RFTN1: variants seen among roughly 807,000 people sequenced by gnomAD.
RFTN1 encodes the protein raftlin, lipid raft linker 1, also known as raftlin.
In RFTN1, 26 loss-of-function variants were observed where a neutral mutation model predicts 46.5. The ratio of observed to expected loss-of-function variants is 0.56; its 90% CI spans 0.41 to 0.78. RFTN1 has a LOEUF of 0.78. RFTN1 is among the 30% of genes least tolerant of loss of function. The pLI is 0.00. For synonymous variants in RFTN1, 261 were observed against 284.2 expected (o/e 0.92, Z 0.82); for missense variants, 693 against 718.7 (o/e 0.96, Z 0.41).
chr3:16,319,345 CATTATAGT>C (rs2068786567), intron 9 of RFTN1, among the ~76,000 whole-genome samples: 1 of 152,166 alleles, frequency 6.6e-6, no homozygotes, highest in Admixed American at 6.5e-5. Context: ...AATGTCAAAG[CATTATAGT>C]ATGGGTTCAA....
intron 2 of RFTN1, among the ~76,000 whole-genome samples, chr3:16,486,919 C>T (rs567418201): frequency 6.6e-6 from 1 of 152,208 alleles, no homozygotes; most frequent in African/African-American, 2.4e-5. Context: ...AGATGAGACA[C>T]AAGAGAGCTT....
At chr3:16,503,883 C>A (rs1250118975) in intron 1 of RFTN1, among the ~76,000 whole-genome samples, 1 of 152,160 alleles carries the variant, frequency 6.6e-6, no homozygotes, top group African/African-American at 2.4e-5. Context: ...ATGGATCCAC[C>A]ACCTGGATTT....
chr3:16,350,339 C>T (rs2072008991), intron 7 of RFTN1: 1 of 143,492 alleles, frequency 7.0e-6, no homozygotes, highest in Non-Finnish European at 1.6e-5. Flanking sequence ...CTTGTGAACA[C>T]ATGCATTTGT....
chr3:16,457,855 G>A lies in RFTN1; in HGVS notation c.146-23818C>T, dbSNP rs1185844368. Among the ~76,000 whole-genome samples the A allele has an allele frequency of 6.6e-6, 1 of 152,178 alleles. No individual in the cohort carries two copies. The highest frequency in any genetic ancestry group is 2.4e-5 in the African/African-American group (1 of 41,428). Reference sequence around the variant, plus strand: ...AGTGAAGGGAGGTGAGTCCTTTTGAGAGGTGCTTAGGTCATGAGGGCTCAG... The same window carrying A: ...AGTGAAGGGAGGTGAGTCCTTTTGAAAGGTGCTTAGGTCATGAGGGCTCAG... On this transcript the variant is annotated intron_variant, in intron 2 of 9. Coordinates refer to ENST00000334133, the MANE Select transcript of RFTN1 (RefSeq NM_015150.2). This position sits in a 1 kb window ranked among gnomAD's most constrained non-coding sequence, Gnocchi z 4.2.
rs1559842639 is a variant in RFTN1 at position 16,345,301 on chromosome 3, T to TGTGTGTG, written c.1146+12630_1146+12631insCACACAC. The stretch of plus-strand genomic sequence containing the variant: ...GTGTGTGTGTGTGTGTGTGTGTGTG[T>TGTGTGTG]TTAAAGCTGTTATAGAATTATCTCC... On this transcript the variant is annotated intron_variant, in intron 7 of 9. Coordinates refer to ENST00000334133, the MANE Select transcript of RFTN1 (RefSeq NM_015150.2). The surrounding 1 kb of genome is among the most constrained non-coding windows in gnomAD (Gnocchi z 5.2). The TGTGTGTG allele has an allele frequency of 6.8e-5, 10 of 146,418 alleles. No homozygotes were observed. The highest frequency in any genetic ancestry group is 1.2e-4 in the African/African-American group (5 of 40,318). 9.1% of individuals were successfully genotyped at this position (146,418 alleles called of 1,614,324 possible). A position where few individuals can be genotyped will look rare whatever the true frequency, so the allele number is the denominator to read the frequency against.
intron 1 of RFTN1, among the ~76,000 whole-genome samples, chr3:16,496,242 A>C (rs2076624596): frequency 6.6e-6 from 1 of 152,260 alleles, no homozygotes; most frequent in African/African-American, 2.4e-5. Context: ...CAAGCTGCCA[A>C]ACATGATGCC....
chr3:16,369,956 G>T, intron 6 of RFTN1, 120 bp downstream of exon 6: 2 of 920,302 alleles, frequency 2.2e-6, no homozygotes, highest in Non-Finnish European at 3.4e-6. Flanking sequence ...ATAAAATGCA[G>T]CATGGTTATC....
chr3:16,448,669 A>G lies in RFTN1; in HGVS notation c.146-14632T>C, dbSNP rs2075774809. On this transcript the variant is annotated intron_variant, in intron 2 of 9. Transcript: ENST00000334133. The surrounding 1 kb of genome is among the most constrained non-coding windows in gnomAD (Gnocchi z 4.1). ...GTGTCCCTTAAATGCCTGCTCTTCAAGAATCTCTAGTAACACAATCACACT... is the reference window on the plus strand; with the variant it reads ...GTGTCCCTTAAATGCCTGCTCTTCAGGAATCTCTAGTAACACAATCACACT... 6.6e-6 allele frequency among the ~76,000 whole-genome samples: 1 copy of G among 152,190 alleles called. No homozygotes were observed. The highest frequency in any genetic ancestry group is 1.5e-5 in the Non-Finnish European group (1 of 68,040).
intron 6 of RFTN1, among the ~76,000 whole-genome samples, chr3:16,366,591 C>A (rs1300534700): frequency 6.6e-6 from 1 of 151,298 alleles, no homozygotes; most frequent in Non-Finnish European, 1.5e-5. Flanking sequence ...CTATCCCGCC[C>A]ACCTCATGGT....
chr3:16,487,461 C>T (rs116300248), intron 2 of RFTN1, among the ~76,000 whole-genome samples: 1,694 of 152,316 alleles, frequency 0.011, 33 homozygotes, highest in African/African-American at 0.038. Flanking sequence ...TCTCTGTCTG[C>T]GCTGTCCAAT....
intron 2 of RFTN1, among the ~76,000 whole-genome samples, chr3:16,493,461 G>A (rs1017942434): frequency 1.3e-5 from 2 of 152,168 alleles, no homozygotes; most frequent in African/African-American, 4.8e-5. Flanking sequence ...TTGAACTCCT[G>A]ACCTCAGGTG....
chr3:16,415,222 C>A (rs2075050883), intron 3 of RFTN1, among the ~76,000 whole-genome samples: 1 of 151,752 alleles, frequency 6.6e-6, no homozygotes, highest in Admixed American at 6.6e-5. Context: ...AGGAGGAAAG[C>A]AGATGAAGAT....
At position 16,317,501 on chromosome 3, in the gene RFTN1, C is replaced by G. The variant is rs983073592; in HGVS notation, c.1333-269G>C. Among the ~76,000 whole-genome samples the G allele has an allele frequency of 6.6e-6, 1 of 152,160 alleles. No homozygotes were observed. Among genetic ancestry groups the G allele is most frequent in the Non-Finnish European group, 1.5e-5 (1 of 68,022 alleles). On this transcript the variant is annotated intron_variant, in intron 9 of 9. Transcript: ENST00000334133. The surrounding 1 kb of genome is among the most constrained non-coding windows in gnomAD (Gnocchi z 4.3). The stretch of plus-strand genomic sequence containing the variant: ...GCAGAGCAGTATTTCTTTTGACTGG[C>G]TCTATACCAAAGGCCCACATAGGAA...
rs570985079 is a variant in RFTN1, at chr3:16,402,220, G to T, written c.441+7155C>A. 2.6e-5 allele frequency among the ~76,000 whole-genome samples: 4 copies of T among 152,156 alleles called. No homozygotes were observed. Among genetic ancestry groups the T allele is most frequent in the African/African-American group, 9.7e-5 (4 of 41,422 alleles). On this transcript the variant is annotated intron_variant, in intron 4 of 9. Coordinates refer to ENST00000334133, the MANE Select transcript of RFTN1 (RefSeq NM_015150.2). The surrounding 1 kb of genome is among the most constrained non-coding windows in gnomAD (Gnocchi z 4.5). ...GCACCTCTCTCTCCTTCAATGACAC[G>T]AAGGTTTAGTGAGTATTCCTCTTTC...
chr3:16,426,565 C>T lies in RFTN1; in HGVS notation c.332+7286G>A, dbSNP rs905659580. Reference sequence around the variant, plus strand: ...GCAAAGATTTCCTTTCTTTGAAGGCCATCCTTTGAATGTCTTTTAAAAGAA... The same window carrying T: ...GCAAAGATTTCCTTTCTTTGAAGGCTATCCTTTGAATGTCTTTTAAAAGAA... On this transcript the variant is annotated intron_variant, in intron 3 of 9. Transcript: ENST00000334133. The surrounding 1 kb of genome is among the most constrained non-coding windows in gnomAD (Gnocchi z 5.9). 1.3e-5 allele frequency among the ~76,000 whole-genome samples: 2 copies of T among 151,656 alleles called. No homozygotes were observed. The highest frequency in any genetic ancestry group is 2.4e-5 in the African/African-American group (1 of 41,218).
intron 2 of RFTN1, among the ~76,000 whole-genome samples, chr3:16,441,416 G>A (rs139430198): frequency 6.6e-6 from 1 of 151,470 alleles, no homozygotes; most frequent in East Asian, 1.9e-4. Flanking sequence ...TTTTTGCTAT[G>A]ACTATGTTTT....
chr3:16,335,944 G>A lies in RFTN1; in HGVS notation c.1147-9068C>T, dbSNP rs1365948247. ...CAGCAAGGACTGGTGGCAGCTGCTA[G>A]TGCAGAGGAGGCAGAGCATGCTGGC... On this transcript the variant is annotated intron_variant, in intron 7 of 9. Coordinates refer to ENST00000334133, the MANE Select transcript of RFTN1 (RefSeq NM_015150.2). This position sits in a 1 kb window ranked among gnomAD's most constrained non-coding sequence, Gnocchi z 4.7. Among the ~76,000 whole-genome samples, 1 of 152,248 alleles carries A rather than the reference G, an allele frequency of 6.6e-6. No individual in the cohort carries two copies. Among genetic ancestry groups the A allele is most frequent in the African/African-American group, 2.4e-5 (1 of 41,472 alleles).
At position 16,329,367 on chromosome 3, in the gene RFTN1, TTAA is replaced by T. The variant is rs1163629995; in HGVS notation, c.1147-2494_1147-2492del. Among the ~76,000 whole-genome samples the T allele has an allele frequency of 6.6e-6, 1 of 151,530 alleles. No individual in the cohort carries two copies. Among genetic ancestry groups the T allele is most frequent in the Admixed American group, 6.6e-5 (1 of 15,212 alleles). Reference sequence around the variant, plus strand: ...AGAAAGGGAAAGGGAAAGAGGAAACTTAATAAAGGAAGGCGGAAGGGAGGAGGG... The same window carrying T: ...AGAAAGGGAAAGGGAAAGAGGAAACTTAAAGGAAGGCGGAAGGGAGGAGGG... On this transcript the variant is annotated intron_variant, in intron 7 of 9. Transcript: ENST00000334133. This position sits in a 1 kb window ranked among gnomAD's most constrained non-coding sequence, Gnocchi z 4.5.
At position 16,374,993 on chromosome 3, in the gene RFTN1, T is replaced by C. The variant is rs1386906580; in HGVS notation, c.826+2725A>G. ...TCTGAGCAGGCATTGCCTAGATTCC[T>C]CTCCCCAAGGCCTCCTATAAAGGAA... On this transcript the variant is annotated intron_variant, in intron 5 of 9. Coordinates refer to ENST00000334133, the MANE Select transcript of RFTN1 (RefSeq NM_015150.2). The surrounding 1 kb of genome is among the most constrained non-coding windows in gnomAD (Gnocchi z 5.4). 6.6e-6 allele frequency among the ~76,000 whole-genome samples: 1 copy of C among 151,954 alleles called. No homozygotes were observed. Among genetic ancestry groups the C allele is most frequent in the Non-Finnish European group, 1.5e-5 (1 of 67,960 alleles).
Sources: allele counts gnomAD v4.1 joint callset (sites outside exome capture counted in the v4.1 genomes callset), GRCh38; gene constraint gnomAD v4.1.1; non-coding constraint Gnocchi (gnomAD v3.1); transcripts MANE v1.5; gene names NCBI Gene and HGNC (gene_info 2026-07-23, HGNC 2026-07-21).